Variants in MID1 observed in about 807,000 individuals in gnomAD.
MID1 encodes midline 1.
A neutral mutation model predicts 40.4 loss-of-function variants in MID1; 7 were observed. The observed-to-expected ratio is 0.17, with a 90% CI of 0.10 to 0.33. MID1 has a LOEUF of 0.33. MID1 is among the 10% of genes least tolerant of loss of function. MID1 has a pLI of 1.00. For synonymous variants in MID1, 229 were observed against 221.2 expected (o/e 1.04, Z -0.31); for missense variants, 367 against 558.5 (o/e 0.66, Z 3.46).
chrX:10,533,395 G>GAAAGAAAGA lies in MID1; in HGVS notation c.661-10217_661-10209dup, dbSNP rs1569089931. ...AAGAAAGAAAAAGAAAGAAAGAAAA[G>GAAAGAAAGA]AAAGAAAGAAAGAAAGAAAGAAAGA... On this transcript the variant is annotated intron_variant, in intron 2 of 9. Transcript: ENST00000317552. 7.6e-3 allele frequency among the ~76,000 whole-genome samples: 248 copies of GAAAGAAAGA among 32,752 alleles called. 2 individuals are homozygous for GAAAGAAAGA. The highest frequency in any genetic ancestry group is 0.032 in the East Asian group (28 of 863). 28.4% of individuals were successfully genotyped at this position (32,752 alleles called of 115,157 possible). A position where few individuals can be genotyped will look rare whatever the true frequency, so the allele number is the denominator to read the frequency against.
At chrX:10,741,337 T>C (rs1271394855) in intron 1 of MID1, among the ~76,000 whole-genome samples, 2 of 111,206 alleles carry the variant, frequency 1.8e-5, no homozygotes, top group African/African-American at 3.3e-5. Flanking sequence ...GAGAGGCTTA[T>C]ACACCAGGGA....
chrX:10,575,980 T>C (rs1486880395), intron 1 of MID1, among the ~76,000 whole-genome samples: 1 of 108,676 alleles, frequency 9.2e-6, no homozygotes, highest in Admixed American at 1.0e-4. Flanking sequence ...GCCAAGAAAA[T>C]TGTAGGGGAC....
intron 1 of MID1, among the ~76,000 whole-genome samples, chrX:10,773,505 T>C (rs2043783074): frequency 8.9e-6 from 1 of 112,391 alleles, no homozygotes; most frequent in Non-Finnish European, 1.9e-5. Context: ...TGTCTTATCT[T>C]AGCTTTCGTT....
chrX:10,590,241 C>G (rs907054847), intron 1 of MID1, among the ~76,000 whole-genome samples: 28 of 111,913 alleles, frequency 2.5e-4, no homozygotes, highest in African/African-American at 7.2e-4. Context: ...GCGTCTGGTT[C>G]TTAGGCGCCG....
At chrX:10,741,464 CT>C (rs35271950) in intron 1 of MID1, among the ~76,000 whole-genome samples, 10,842 of 99,922 alleles carry the variant, frequency 0.11, 1,365 homozygotes, top group African/African-American at 0.35. Flanking sequence ...TCATTCCCCT[CT>C]TTTTTTTTTT....
At chrX:10,699,148 T>G (rs1340376383) in intron 1 of MID1, among the ~76,000 whole-genome samples, 1 of 111,812 alleles carries the variant, frequency 8.9e-6, no homozygotes, top group South Asian at 3.7e-4. Flanking sequence ...CCTTTTAATC[T>G]TTTTTTTCAA....
intron 4 of MID1, among the ~76,000 whole-genome samples, chrX:10,493,926 G>A (rs1214372511): frequency 8.9e-6 from 1 of 112,330 alleles, no homozygotes; most frequent in African/African-American, 3.2e-5. Context: ...AATTAATTGT[G>A]ACTGTACTTC....
intron 7 of MID1, chrX:10,460,030 T>C: frequency 2.3e-6 from 1 of 441,742 alleles, no homozygotes; most frequent in Non-Finnish European, 4.0e-6. Context: ...CCAAATAACT[T>C]TGCAGGTGCT....
chrX:10,473,591 C>G (rs930496804), intron 6 of MID1, among the ~76,000 whole-genome samples: 1 of 112,126 alleles, frequency 8.9e-6, no homozygotes, highest in Non-Finnish European at 1.9e-5. Flanking sequence ...TTCTCCTGCT[C>G]CACCTTGTTC....
At chrX:10,512,927 C>T (rs1932229815) in intron 3 of MID1, among the ~76,000 whole-genome samples, 1 of 112,289 alleles carries the variant, frequency 8.9e-6, no homozygotes, top group Non-Finnish European at 1.9e-5. Context: ...GAGCCTTGTA[C>T]ATTCCATGGT....
At chrX:10,591,551 A>G (rs2147508862) in intron 1 of MID1, among the ~76,000 whole-genome samples, 1 of 112,129 alleles carries the variant, frequency 8.9e-6, no homozygotes, top group East Asian at 2.8e-4. Context: ...GTGCCAGACC[A>G]TGGCAAGGAT....
intron 1 of MID1, among the ~76,000 whole-genome samples, chrX:10,608,578 G>C (rs1935668241): frequency 8.9e-6 from 1 of 111,830 alleles, no homozygotes; most frequent in African/African-American, 3.3e-5. Context: ...CTGGGGGTTA[G>C]GGATGGGGTA....
chrX:10,589,531 G>T (rs750727306), intron 1 of MID1: 11 of 112,175 alleles, frequency 9.8e-5, no homozygotes, highest in African/African-American at 3.6e-4. Flanking sequence ...TGCCGTGGGT[G>T]ATCAGACCAC....
At chrX:10,465,254 C>T (rs180946525) in intron 7 of MID1, among the ~76,000 whole-genome samples, 1,512 of 96,780 alleles carry the variant, frequency 0.016, 27 homozygotes, top group African/African-American at 0.031. Flanking sequence ...CACACACACA[C>T]ACACACATAC....
At chrX:10,556,932 C>A (rs1020911130) in intron 2 of MID1, among the ~76,000 whole-genome samples, 6 of 112,182 alleles carry the variant, frequency 5.3e-5, no homozygotes, top group African/African-American at 1.6e-4. Flanking sequence ...CACTTTATGG[C>A]AATGTCAAAA....
intron 1 of MID1, among the ~76,000 whole-genome samples, chrX:10,609,861 G>C (rs1935703118): frequency 9.1e-6 from 1 of 109,693 alleles, no homozygotes; most frequent in Non-Finnish European, 1.9e-5. Flanking sequence ...GGGACTACAG[G>C]CGCCCGCCAC....
At chrX:10,455,098 C>T (rs1569268146) in intron 8 of MID1, 21 bp from the exon 9 acceptor site, 4 of 1,145,003 alleles carry the variant, frequency 3.5e-6, no homozygotes, top group Non-Finnish European at 4.8e-6. Flanking sequence ...ATTCACAAAA[C>T]AGAAAAAGGA....
intron 1 of MID1, among the ~76,000 whole-genome samples, chrX:10,617,226 C>T (rs1935854000): frequency 8.9e-6 from 1 of 111,984 alleles, no homozygotes; most frequent in Admixed American, 9.5e-5. Context: ...CTTTCTCTGC[C>T]TTCGTCTCAC....
chrX:10,766,790 T>C (rs1251340873), intron 1 of MID1, among the ~76,000 whole-genome samples: 2 of 108,959 alleles, frequency 1.8e-5, no homozygotes, highest in Admixed American at 2.0e-4. Context: ...TGTGGTAGCA[T>C]GTGCCTGAGT....
Sources: allele counts gnomAD v4.1 joint callset (sites outside exome capture counted in the v4.1 genomes callset), GRCh38; gene constraint gnomAD v4.1.1; transcripts MANE v1.5; gene names NCBI Gene and HGNC (gene_info 2026-07-23, HGNC 2026-07-21).